SCAI: variants seen among roughly 807,000 people sequenced by gnomAD.
SCAI encodes the protein suppressor of cancer cell invasion.
Under a neutral mutation model 92.2 loss-of-function variants are expected in SCAI, and 24 were observed. That is an observed-to-expected ratio of 0.26 (90% confidence interval 0.19 to 0.37). The LOEUF is 0.37. Among genes scored for constraint, SCAI ranks in the 10% least tolerant of loss-of-function variants. The pLI is 1.00. For synonymous variants in SCAI, 261 were observed against 258.6 expected (o/e 1.01, Z -0.09); for missense variants, 450 against 736.2 (o/e 0.61, Z 4.50).
intron 2 of SCAI, among the ~76,000 whole-genome samples, chr9:125,064,717 G>A (rs1010328606): frequency 3.3e-5 from 5 of 151,962 alleles, no homozygotes; most frequent in Non-Finnish European, 7.4e-5. Context: ...ATGGTGGTGG[G>A]TGCCTGTAAC....
intron 2 of SCAI, among the ~76,000 whole-genome samples, chr9:125,081,347 A>T (rs1481847899): frequency 7.2e-5 from 11 of 152,218 alleles, no homozygotes; most frequent in Non-Finnish European, 1.6e-4. Context: ...ATGGACAATA[A>T]AATCCAGGCT....
At chr9:125,016,002 G>C (rs182307588) in intron 9 of SCAI, among the ~76,000 whole-genome samples, 4,778 of 135,340 alleles carry the variant, frequency 0.035, 124 homozygotes, top group Non-Finnish European at 0.052. Context: ...GACACAGGAA[G>C]GGGAACATCA....
intron 13 of SCAI, among the ~76,000 whole-genome samples, chr9:124,997,899 AAAG>A (rs1376973705): frequency 6.6e-6 from 1 of 151,776 alleles, no homozygotes; most frequent in Non-Finnish European, 1.5e-5. Context: ...AAAGAAAAGA[AAAG>A]AAAAAAGAAA....
chr9:125,106,096 C>CAA (rs1168643448), intron 2 of SCAI, among the ~76,000 whole-genome samples: 11 of 18,780 alleles, frequency 5.9e-4, no homozygotes, highest in South Asian at 4.4e-3. Flanking sequence ...GACTCCATCT[C>CAA]AAAAAAAAAA....
intron 2 of SCAI, among the ~76,000 whole-genome samples, chr9:125,113,869 G>A (rs1001907518): frequency 2.6e-5 from 4 of 152,112 alleles, no homozygotes; most frequent in Non-Finnish European, 5.9e-5. Flanking sequence ...GGATGAGGCG[G>A]GAGAATAGCT....
intron 9 of SCAI, among the ~76,000 whole-genome samples, chr9:125,006,704 C>A (rs1404491988): frequency 6.6e-6 from 1 of 151,344 alleles, no homozygotes; most frequent in Non-Finnish European, 1.5e-5. Flanking sequence ...ATTGGTCAGG[C>A]TGGTATTGAA....
At chr9:125,025,635 C>T (rs1361702942) in intron 6 of SCAI, among the ~76,000 whole-genome samples, 2 of 152,012 alleles carry the variant, frequency 1.3e-5, no homozygotes, top group Non-Finnish European at 2.9e-5. Flanking sequence ...ATAGGACAAC[C>T]TAAGGGAAAA....
chr9:125,007,388 TCTA>T (rs1300450750), intron 9 of SCAI, among the ~76,000 whole-genome samples: 1 of 151,952 alleles, frequency 6.6e-6, no homozygotes, highest in Non-Finnish European at 1.5e-5. Context: ...AGAATTAAAA[TCTA>T]CTAAAAAATA....
chr9:125,042,767 A>G (rs1833350518), intron 3 of SCAI, among the ~76,000 whole-genome samples: 1 of 149,994 alleles, frequency 6.7e-6, no homozygotes, highest in African/African-American at 2.4e-5. Context: ...TCCTAATCCA[A>G]TGCTCTTTTC....
At chr9:125,105,168 C>CA (rs1337660690) in intron 2 of SCAI, among the ~76,000 whole-genome samples, 1 of 151,696 alleles carries the variant, frequency 6.6e-6, no homozygotes, top group Non-Finnish European at 1.5e-5. Flanking sequence ...CCCATCTCTA[C>CA]AAAAAAAACT....
chr9:125,005,811 GC>G (rs1832494129), intron 9 of SCAI, among the ~76,000 whole-genome samples: 1 of 152,110 alleles, frequency 6.6e-6, no homozygotes, highest in Non-Finnish European at 1.5e-5. Context: ...AAAAGATATG[GC>G]CTCAGAGGAG....
rs546644509 is a variant in SCAI, at chr9:124,948,782, A to G, written c.*4025T>C. ...GTTAAGAGAGATGAGAGACTATCAGAATCTCCAGGGACAGTTTGTGCAATT... is the reference window on the plus strand; with the variant it reads ...GTTAAGAGAGATGAGAGACTATCAGGATCTCCAGGGACAGTTTGTGCAATT... On this transcript the variant is annotated 3_prime_UTR_variant, in exon 18 of 18. Transcript: ENST00000336505. 1.3e-5 allele frequency: 2 copies of G among 152,350 alleles called. No homozygotes were observed. The highest frequency in any genetic ancestry group is 2.1e-4 in the South Asian group (1 of 4,824). 9.4% of individuals were successfully genotyped at this position (152,350 alleles called of 1,614,324 possible).
chr9:125,040,954 TAATA>T (rs1833308744), intron 3 of SCAI, among the ~76,000 whole-genome samples: 1 of 152,160 alleles, frequency 6.6e-6, no homozygotes, highest in Non-Finnish European at 1.5e-5. Flanking sequence ...AAAAATGCTG[TAATA>T]AATATCTTCA....
At chr9:125,068,133 C>A (rs1833908394) in intron 2 of SCAI, among the ~76,000 whole-genome samples, 1 of 152,194 alleles carries the variant, frequency 6.6e-6, no homozygotes, top group African/African-American at 2.4e-5. Context: ...CTGTTGCTAA[C>A]ACTTAGTTAT....
At chr9:125,100,430 T>C (rs1293799552) in intron 2 of SCAI, among the ~76,000 whole-genome samples, 1 of 152,222 alleles carries the variant, frequency 6.6e-6, no homozygotes, top group Non-Finnish European at 1.5e-5. Flanking sequence ...GATAGGTTAA[T>C]GACATGCCTA....
chr9:125,001,177 TTTTCA>T lies in SCAI; in HGVS notation c.1144+783_1144+787del, dbSNP rs540613088. ...GCAATGAAAAGGCTAAAGAGATTTG[TTTTCA>T]TTTCAACATTTTAAGAGAATCTGGA... is the stretch of plus-strand genomic sequence containing the variant. On this transcript the variant is annotated intron_variant, in intron 12 of 17. Coordinates refer to ENST00000336505, the MANE Select transcript of SCAI (RefSeq NM_001144877.3). Among the ~76,000 whole-genome samples, 108 of 152,320 alleles carry T rather than the reference TTTTCA, an allele frequency of 7.1e-4. 1 individual carries two copies. In the South Asian group the frequency reaches 0.02, roughly 29 times the overall value.
chr9:125,047,235 G>C (rs996918589), intron 3 of SCAI, among the ~76,000 whole-genome samples: 1 of 152,088 alleles, frequency 6.6e-6, no homozygotes, highest in African/African-American at 2.4e-5. Flanking sequence ...GAAGACATTA[G>C]GACATACAAA....
intron 1 of SCAI, 128 bp from the exon 2 acceptor site, chr9:125,142,805 G>A (rs1835699457): frequency 2.6e-6 from 2 of 758,960 alleles, no homozygotes; most frequent in Non-Finnish European, 4.6e-6. Flanking sequence ...GCCCAGATCT[G>A]ACCTTACAAA....
At chr9:125,106,096 C>CACAAAAAAAAAAAA (rs1299930738) in intron 2 of SCAI, among the ~76,000 whole-genome samples, 2 of 18,776 alleles carry the variant, frequency 1.1e-4, no homozygotes, top group African/African-American at 4.4e-4. Flanking sequence ...GACTCCATCT[C>CACAAAAAAAAAAAA]AAAAAAAAAA....
Sources: allele counts gnomAD v4.1 joint callset (sites outside exome capture counted in the v4.1 genomes callset), GRCh38; gene constraint gnomAD v4.1.1; transcripts MANE v1.5; gene names NCBI Gene and HGNC (gene_info 2026-07-23, HGNC 2026-07-21).